SFSWAP: variants seen among roughly 807,000 people sequenced by gnomAD.
SFSWAP encodes splicing factor SWAP.
Under a neutral mutation model 100.7 loss-of-function variants are expected in SFSWAP, and 17 were observed. The ratio of observed to expected loss-of-function variants is 0.17; its 90% CI spans 0.12 to 0.25. The LOEUF is 0.25. Ranked by LOEUF, SFSWAP falls within the 10% of genes least tolerant of loss-of-function variation. SFSWAP has a pLI of 1.00. For missense variants in SFSWAP, 1,005 were observed against 1,262.6 expected (o/e 0.80, Z 3.09); for synonymous variants, 504 against 510.1 (o/e 0.99, Z 0.16).
At position 131,737,791 on chromosome 12, in the gene SFSWAP, A is replaced by G. The variant is rs531174054; in HGVS notation, c.1081+9363A>G. ...AAGAAAAGCATCTATTTTTTTCCTT[A>G]AAGTCCAGCAGAATTTTATATATAT... On this transcript the variant is annotated intron_variant, in intron 7 of 17. Coordinates refer to ENST00000261674, the MANE Select transcript of SFSWAP (RefSeq NM_004592.4). 7.9e-5 allele frequency among the ~76,000 whole-genome samples: 12 copies of G among 152,182 alleles called. No homozygotes were observed. In the East Asian group the frequency reaches 1.2e-3, roughly 15 times the overall value.
chr12:131,785,428 G>C (rs1380392134), intron 14 of SFSWAP: 2 of 475,118 alleles, frequency 4.2e-6, no homozygotes, highest in Non-Finnish European at 7.4e-6. Context: ...ATTCAACGTA[G>C]AACTTTTTCA....
intron 15 of SFSWAP, 86 bp downstream of exon 15, chr12:131,786,674 A>G: frequency 7.0e-7 from 1 of 1,433,220 alleles, no homozygotes; most frequent in South Asian, 1.3e-5. Context: ...GGTATCTGTG[A>G]GCAGAGCTGT....
At chr12:131,769,170 A>G (rs1729777837) in intron 13 of SFSWAP, among the ~76,000 whole-genome samples, 1 of 152,146 alleles carries the variant, frequency 6.6e-6, no homozygotes, top group Non-Finnish European at 1.5e-5. Context: ...GATGAAATAC[A>G]CAACAACAAA....
chr12:131,714,119 G>A lies in SFSWAP; in HGVS notation c.267G>A (p.Glu89=), dbSNP rs750290309. The part of the protein sequence containing the change: ...HLHDLSEYDA[E]YSTWNRDYQL... ...ATGACCTTTCTGAGTACGATGCTGAGTATTCCACGTGGAACAGAGATTATC... is the reference window on the plus strand; with the variant it reads ...ATGACCTTTCTGAGTACGATGCTGAATATTCCACGTGGAACAGAGATTATC... Residue 89 remains glutamate (E), a synonymous_variant, in exon 2 of 18, where the codon GAG becomes GAA. Transcript: ENST00000261674. The surrounding 1 kb of genome is among the most constrained non-coding windows in gnomAD (Gnocchi z 6.0). 5 of 1,613,848 alleles carry A rather than the reference G, an allele frequency of 3.1e-6. No homozygotes were observed. Among genetic ancestry groups the A allele is most frequent in the Non-Finnish European group, 4.2e-6 (5 of 1,179,974 alleles).
intron 7 of SFSWAP, among the ~76,000 whole-genome samples, chr12:131,745,303 A>G (rs1242122299): frequency 6.6e-6 from 1 of 152,238 alleles, no homozygotes; most frequent in Non-Finnish European, 1.5e-5. Context: ...AAAACGAACA[A>G]TTGCCAGAAG....
rs1209886992 is a variant in SFSWAP at position 131,778,498 on chromosome 12, G to T, written c.2408+168G>T. Among the ~76,000 whole-genome samples, 6 of 152,178 alleles carry T rather than the reference G, an allele frequency of 3.9e-5. No individual in the cohort carries two copies. The highest frequency in any genetic ancestry group is 1.2e-4 in the African/African-American group (5 of 41,444). ...GCAAGTCCAAGTAAGATCTTTTTCAGATTTTTGTTTGTTTTATACTTAACT... is the reference window on the plus strand; with the variant it reads ...GCAAGTCCAAGTAAGATCTTTTTCATATTTTTGTTTGTTTTATACTTAACT... On this transcript the variant is annotated intron_variant, in intron 14 of 17. Coordinates refer to ENST00000261674, the MANE Select transcript of SFSWAP (RefSeq NM_004592.4). The surrounding 1 kb of genome is among the most constrained non-coding windows in gnomAD (Gnocchi z 4.2).
intron 7 of SFSWAP, among the ~76,000 whole-genome samples, chr12:131,752,199 G>A (rs1881725413): frequency 6.6e-6 from 1 of 152,174 alleles, no homozygotes; most frequent in African/African-American, 2.4e-5. Context: ...ATTGTTTTAA[G>A]GTGAATTGAT....
At chr12:131,792,200 C>T (rs1440282617) in intron 15 of SFSWAP, among the ~76,000 whole-genome samples, 2 of 147,162 alleles carry the variant, frequency 1.4e-5, no homozygotes, top group African/African-American at 5.2e-5. Flanking sequence ...TGTGTGTGCG[C>T]CCGTGTGTGT....
chr12:131,725,533 C>T lies in SFSWAP; in HGVS notation c.735C>T (p.Phe245=), dbSNP rs562133141. The change falls in exon 5 of 18, where the codon TTC becomes TTT. Residue 245 remains phenylalanine (F), a synonymous_variant. Coordinates refer to ENST00000261674, the MANE Select transcript of SFSWAP (RefSeq NM_004592.4). The surrounding 1 kb of genome is among the most constrained non-coding windows in gnomAD (Gnocchi z 4.3). ...ACTCCCAGTTTGACTTTCTGCGCTT[C>T]GACCACTACCTCAACCCCTACTATA... ...ARNSQFDFLR[F]DHYLNPYYKF... The T allele has an allele frequency of 4.3e-5, 69 of 1,614,146 alleles. No individual in the cohort carries two copies. In the South Asian group the frequency reaches 6.1e-4, roughly 14 times the overall value.
In SFSWAP at chr12:131,755,468, G is replaced by A. The variant is rs373227203; in HGVS notation, c.1537G>A (p.Asp513Asn). 3.3e-5 allele frequency: 53 copies of A among 1,612,094 alleles called. No homozygotes were observed. Among genetic ancestry groups the A allele is most frequent in the African/African-American group, 6.7e-5 (5 of 74,994 alleles). ...KQFFLQKEGG[D>N]SMQAVSAPEE... ...GTTCTTCCTCCAGAAAGAAGGGGGC[G>A]ATAGCATGCAGGTACGTGTCTGAAT... Residue 513 changes from aspartate (D) to asparagine (N), a missense_variant, in exon 10 of 18, where the codon GAT becomes AAT. Around this residue, in one of 7 missense-constraint regions of SFSWAP, gnomAD observed 311 missense variants for 317.8 expected, o/e 0.98. Coordinates refer to ENST00000261674, the MANE Select transcript of SFSWAP (RefSeq NM_004592.4).
At chr12:131,739,486 A>G (rs12231598) in intron 7 of SFSWAP, among the ~76,000 whole-genome samples, 6,695 of 138,652 alleles carry the variant, frequency 0.048, 413 homozygotes, top group East Asian at 0.3. Context: ...TATTATTTTT[A>G]TATTATGAGA....
intron 7 of SFSWAP, among the ~76,000 whole-genome samples, chr12:131,729,178 A>G (rs1164575848): frequency 1.3e-5 from 2 of 152,188 alleles, no homozygotes; most frequent in Non-Finnish European, 2.9e-5. Flanking sequence ...GGAGACACAT[A>G]GTATTGTCTA....
chr12:131,728,144 A>G (rs1166676774), intron 6 of SFSWAP, 149 bp from the exon 7 acceptor site: 2 of 826,648 alleles, frequency 2.4e-6, no homozygotes, highest in African/African-American at 3.4e-5. Context: ...GCATTTGGCC[A>G]CAACTCGTTA....
chr12:131,780,806 C>T (rs950539033), intron 14 of SFSWAP, among the ~76,000 whole-genome samples: 3 of 152,196 alleles, frequency 2.0e-5, no homozygotes, highest in Non-Finnish European at 4.4e-5. Flanking sequence ...TTTCTACAGG[C>T]TCAAAAGGAA....
intron 7 of SFSWAP, 86 bp from the exon 8 acceptor site, chr12:131,753,037 G>A (rs1881796553): frequency 1.3e-6 from 2 of 1,565,016 alleles, no homozygotes; most frequent in Non-Finnish European, 1.7e-6. Flanking sequence ...CATCTTGCCG[G>A]GGGAAGGGCT....
chr12:131,767,512 A>C (rs1883208928), intron 13 of SFSWAP, among the ~76,000 whole-genome samples: 1 of 152,244 alleles, frequency 6.6e-6, no homozygotes, highest in Non-Finnish European at 1.5e-5. Context: ...TGTATCAATA[A>C]ACTGTGACAA....
intron 13 of SFSWAP, among the ~76,000 whole-genome samples, chr12:131,767,907 A>G (rs1043399175): frequency 6.6e-6 from 1 of 152,232 alleles, no homozygotes; most frequent in Non-Finnish European, 1.5e-5. Flanking sequence ...TGCCTGGGTG[A>G]TGAAAGAAAT....
At chr12:131,755,286 G>A (rs1882052850) in intron 9 of SFSWAP, 100 bp from the exon 10 acceptor site, 6 of 806,228 alleles carry the variant, frequency 7.4e-6, no homozygotes, top group Non-Finnish European at 1.3e-5. Context: ...CCACCTTGTG[G>A]GATTGTTGAG....
At position 131,714,514 on chromosome 12, in the gene SFSWAP, G is replaced by A. The variant is rs1877696665; in HGVS notation, c.388+274G>A. The A allele has an allele frequency of 8.4e-6, 4 of 476,208 alleles. No individual in the cohort carries two copies. Among genetic ancestry groups the A allele is most frequent in the South Asian group, 2.9e-5 (1 of 33,952 alleles). The allele number at this position is 476,208 out of a possible 1,614,324, so 29.5% of individuals were successfully genotyped here. On this transcript the variant is annotated intron_variant, in intron 2 of 17. Coordinates refer to ENST00000261674, the MANE Select transcript of SFSWAP (RefSeq NM_004592.4). The surrounding 1 kb of genome is among the most constrained non-coding windows in gnomAD (Gnocchi z 6.0). ...TTAACTGTTCTTCTTTAACAGTATC[G>A]TATAAATAAAATTGATGTTCTTGTC...
Sources: gnomAD v4.1 joint callset for allele counts (sites outside exome capture counted in the v4.1 genomes callset) on GRCh38, gnomAD v4.1.1 for gene constraint, gnomAD v4.1.1 regional missense constraint, Gnocchi (gnomAD v3.1) non-coding constraint, MANE v1.5 for transcripts, NCBI Gene and HGNC (gene_info 2026-07-23, HGNC 2026-07-21) for gene names.